Variants in SHC4 observed in about 807,000 individuals in gnomAD.
The protein encoded by SHC4 is SHC adaptor protein 4, also known as SHC-transforming protein 4.
A neutral mutation model predicts 69.4 loss-of-function variants in SHC4; 41 were observed. The ratio of observed to expected loss-of-function variants is 0.59; its 90% CI spans 0.46 to 0.77. The LOEUF (loss-of-function observed/expected upper bound fraction) is 0.77, where lower values mean the gene tolerates loss of function less well. Among genes scored for constraint, SHC4 ranks in the 30% least tolerant of loss-of-function variants. The pLI, the probability that SHC4 is intolerant of heterozygous loss-of-function variation, is 0.00. For missense variants in SHC4, 777 were observed against 783.8 expected (o/e 0.99, Z 0.10); for synonymous variants, 318 against 299.3 (o/e 1.06, Z -0.64).
intron 1 of SHC4, among the ~76,000 whole-genome samples, chr15:48,955,804 G>C (rs28392847): frequency 1.3e-5 from 2 of 152,096 alleles, no homozygotes; most frequent in African/African-American, 2.4e-5. Context: ...TCAGGAAGTG[G>C]GGGAAGATGA....
intron 1 of SHC4, among the ~76,000 whole-genome samples, chr15:48,931,906 G>T (rs901790939): frequency 6.6e-6 from 1 of 151,270 alleles, no homozygotes; most frequent in Non-Finnish European, 1.5e-5. Context: ...CATTTTTGGA[G>T]ACATACTCTG....
At chr15:48,939,723 C>T (rs902359203) in intron 1 of SHC4, among the ~76,000 whole-genome samples, 5 of 152,230 alleles carry the variant, frequency 3.3e-5, no homozygotes, top group African/African-American at 1.2e-4. Context: ...CCCAACTACA[C>T]TTCCACCCAG....
At chr15:48,872,011 T>A in intron 5 of SHC4, 78 bp downstream of exon 5, 1 of 893,824 alleles carries the variant, frequency 1.1e-6, no homozygotes, top group Non-Finnish European at 1.8e-6. Flanking sequence ...AAAGTTATTT[T>A]ATTTTATTAT....
intron 8 of SHC4, among the ~76,000 whole-genome samples, chr15:48,852,510 G>A (rs369034988): frequency 6.6e-6 from 1 of 152,248 alleles, no homozygotes; most frequent in African/African-American, 2.4e-5. Context: ...TAAAATGTTG[G>A]AAAATGTGAG....
chr15:48,899,222 T>C (rs1359599003), intron 2 of SHC4, among the ~76,000 whole-genome samples: 1 of 152,186 alleles, frequency 6.6e-6, no homozygotes, highest in African/African-American at 2.4e-5. Flanking sequence ...ATCTTTGTAC[T>C]TTGGGAGGCC....
intron 4 of SHC4, among the ~76,000 whole-genome samples, chr15:48,874,493 G>C (rs1899755455): frequency 1.3e-5 from 2 of 151,038 alleles, no homozygotes; most frequent in South Asian, 4.2e-4. Context: ...TACTGTCTGA[G>C]TTCTGCCTCC....
intron 9 of SHC4, among the ~76,000 whole-genome samples, chr15:48,850,906 T>C (rs905443357): frequency 6.6e-6 from 1 of 152,200 alleles, no homozygotes; most frequent in African/African-American, 2.4e-5. Context: ...GAAAGCACCT[T>C]TCCAGAGAGA....
intron 2 of SHC4, among the ~76,000 whole-genome samples, chr15:48,904,189 CTTTGG>C (rs1256411104): frequency 6.6e-6 from 1 of 152,148 alleles, no homozygotes; most frequent in Non-Finnish European, 1.5e-5. Context: ...AATTATTCCA[CTTTGG>C]TTGACCCATA....
At chr15:48,865,277 T>C (rs970888306) in intron 6 of SHC4, among the ~76,000 whole-genome samples, 3 of 152,174 alleles carry the variant, frequency 2.0e-5, no homozygotes, top group African/African-American at 4.8e-5. Flanking sequence ...GATTTAGCAC[T>C]AGAGGACTGT....
intron 4 of SHC4, among the ~76,000 whole-genome samples, chr15:48,874,645 T>C (rs995656968): frequency 2.0e-5 from 3 of 152,196 alleles, no homozygotes; most frequent in African/African-American, 7.2e-5. Flanking sequence ...GTGACGCTAG[T>C]GCTGGGGAGT....
At chr15:48,842,151 G>T (rs1207125635) in intron 10 of SHC4, among the ~76,000 whole-genome samples, 1 of 152,128 alleles carries the variant, frequency 6.6e-6, no homozygotes, top group Non-Finnish European at 1.5e-5. Context: ...CTTTTGGCTT[G>T]TTTTATTTTT....
At position 48,824,183 on chromosome 15, in the gene SHC4, C is replaced by T. The variant is rs999757410; in HGVS notation, c.*1788G>A. The stretch of plus-strand genomic sequence containing the variant: ...AAAACTGGTGAAAAATACATTAATT[C>T]TAGTTGTGTAAGAGGAAACAAATCC... On this transcript the variant is annotated 3_prime_UTR_variant, in exon 12 of 12. Coordinates refer to ENST00000332408, the MANE Select transcript of SHC4 (RefSeq NM_203349.4). 1.3e-5 allele frequency: 2 copies of T among 152,136 alleles called. No homozygotes were observed. Among genetic ancestry groups the T allele is most frequent in the African/African-American group, 4.8e-5 (2 of 41,430 alleles). The allele number at this position is 152,136 out of a possible 1,614,324, so 9.4% of individuals were successfully genotyped here.
intron 10 of SHC4, among the ~76,000 whole-genome samples, chr15:48,840,149 GA>G (rs1179951843): frequency 6.6e-6 from 1 of 152,226 alleles, no homozygotes; most frequent in Non-Finnish European, 1.5e-5. Flanking sequence ...TGTTGAGAAT[GA>G]CAAAGCTACC....
chr15:48,927,626 C>T (rs1310076007), intron 1 of SHC4, among the ~76,000 whole-genome samples: 1 of 152,142 alleles, frequency 6.6e-6, no homozygotes, highest in Non-Finnish European at 1.5e-5. Context: ...CCCCAGCTCA[C>T]CCCTTCAGCT....
intron 1 of SHC4, among the ~76,000 whole-genome samples, chr15:48,953,900 T>G (rs995235096): frequency 6.6e-6 from 1 of 152,184 alleles, no homozygotes; most frequent in African/African-American, 2.4e-5. Context: ...GAATATTGTT[T>G]GGGTGGAAAG....
chr15:48,933,325 G>A (rs1315373172), intron 1 of SHC4, among the ~76,000 whole-genome samples: 2 of 152,110 alleles, frequency 1.3e-5, no homozygotes, highest in South Asian at 2.1e-4. Flanking sequence ...AATTTCATTT[G>A]CAATATGTGA....
Position 48,920,261 on chromosome 15 carries a change from T to C in SHC4, c.656+4618A>G, listed in dbSNP as rs565850632. ...TGGTCTCGATCTCCTGACCTCATGA[T>C]CTGCCCGCCTCGGCCTCCCAAAGTG... On this transcript the variant is annotated intron_variant, in intron 2 of 11. Transcript: ENST00000332408. 4.6e-5 allele frequency among the ~76,000 whole-genome samples: 7 copies of C among 152,120 alleles called. No individual in the cohort carries two copies. In the East Asian group the frequency reaches 1.2e-3, roughly 25 times the overall value.
At chr15:48,915,971 A>G (rs1307889423) in intron 2 of SHC4, among the ~76,000 whole-genome samples, 1 of 152,122 alleles carries the variant, frequency 6.6e-6, no homozygotes, top group Non-Finnish European at 1.5e-5. Flanking sequence ...CCTATTCCTA[A>G]CTGCAACAAG....
chr15:48,867,908 A>C (rs1899595151), intron 5 of SHC4, 39 bp from the exon 6 acceptor site: 1 of 1,520,538 alleles, frequency 6.6e-7, no homozygotes, highest in Non-Finnish European at 9.1e-7. Context: ...AAAATGGATG[A>C]ACTGTACTGT....
Sources: allele counts gnomAD v4.1 joint callset (sites outside exome capture counted in the v4.1 genomes callset), GRCh38; gene constraint gnomAD v4.1.1; transcripts MANE v1.5; gene names NCBI Gene and HGNC (gene_info 2026-07-23, HGNC 2026-07-21).